The following IQCM variants were observed in gnomAD, a reference collection of about 807,000 sequenced individuals.
IQCM encodes IQ motif containing M, also known as IQ domain-containing protein M.
In IQCM, 45 loss-of-function variants were observed where a neutral mutation model predicts 57.6. The ratio of observed to expected loss-of-function variants is 0.78; its 90% CI spans 0.62 to 1.00. The LOEUF (loss-of-function observed/expected upper bound fraction) is 1.00, where lower values mean the gene tolerates loss of function less well. Among genes scored for constraint, IQCM ranks in the 50% least tolerant of loss-of-function variants. IQCM has a pLI of 0.00. For missense variants in IQCM, 468 were observed against 511.6 expected, an observed-to-expected ratio of 0.91 and a Z score of 0.82; for synonymous variants, 148 against 158.9, an observed-to-expected ratio of 0.93 and a Z score of 0.51.
At chr4:149,675,172 GAA>G (rs1761645188) in intron 7 of IQCM, among the ~76,000 whole-genome samples, 1 of 152,000 alleles carries the variant, frequency 6.6e-6, no homozygotes. Flanking sequence ...CAAAAACTAT[GAA>G]AAGATTAGTG....
Position 149,569,210 on chromosome 4 carries a change from A to T in IQCM, c.750-5320T>A, listed in dbSNP as rs144705158. ...AAATAGCTGTTGTTTTAAGCCACTAAGTTTTGTGATGCCATTGTGGCAATA... is the reference window on the plus strand; with the variant it reads ...AAATAGCTGTTGTTTTAAGCCACTATGTTTTGTGATGCCATTGTGGCAATA... On this transcript the variant is annotated intron_variant, in intron 9 of 13. Transcript: ENST00000636793. 2.2e-3 allele frequency among the ~76,000 whole-genome samples: 328 copies of T among 152,310 alleles called. 2 individuals are homozygous for T. The highest frequency in any genetic ancestry group is 7.7e-3 in the African/African-American group (321 of 41,576).
intron 2 of IQCM, among the ~76,000 whole-genome samples, chr4:149,795,835 C>T (rs1454354463): frequency 1.3e-5 from 2 of 152,200 alleles, no homozygotes; most frequent in Non-Finnish European, 2.9e-5. Context: ...CAGAAGGGAA[C>T]ACACTGCCTT....
chr4:149,396,791 T>C (rs1444807661), intron 13 of IQCM, among the ~76,000 whole-genome samples: 4 of 152,096 alleles, frequency 2.6e-5, no homozygotes, highest in East Asian at 1.9e-4. Flanking sequence ...ACATACGTAA[T>C]GTAAGTGTAA....
chr4:149,745,015 A>G (rs1767793829), intron 2 of IQCM, among the ~76,000 whole-genome samples: 1 of 152,160 alleles, frequency 6.6e-6, no homozygotes, highest in Admixed American at 6.5e-5. Context: ...AGAGAGTTCA[A>G]GAAGAACTGA....
chr4:149,544,327 A>T (rs1231155196), intron 12 of IQCM, among the ~76,000 whole-genome samples: 1 of 152,178 alleles, frequency 6.6e-6, no homozygotes, highest in South Asian at 2.1e-4. Context: ...CATCAAAGAA[A>T]ATACAATATT....
intron 13 of IQCM, among the ~76,000 whole-genome samples, chr4:149,406,211 C>T (rs1433445943): frequency 1.3e-5 from 2 of 151,894 alleles, no homozygotes; most frequent in Admixed American, 1.3e-4. Context: ...AAGTCTCTGA[C>T]CCTGTGGGAT....
chr4:149,512,140 T>G (rs919367425), intron 12 of IQCM, among the ~76,000 whole-genome samples: 2 of 152,198 alleles, frequency 1.3e-5, no homozygotes, highest in African/African-American at 4.8e-5. Context: ...CAACACTGAC[T>G]GGTCAACCCC....
intron 9 of IQCM, among the ~76,000 whole-genome samples, chr4:149,565,057 A>T (rs1750484290): frequency 6.6e-6 from 1 of 152,062 alleles, no homozygotes. Context: ...AATTTTTGGC[A>T]TATAAAAATG....
At chr4:149,368,855 T>TATATACATATATATAC (rs1560779209) in intron 13 of IQCM, among the ~76,000 whole-genome samples, 1 of 39,314 alleles carries the variant, frequency 2.5e-5, no homozygotes, top group Non-Finnish European at 5.1e-5. Flanking sequence ...TATATATACA[T>TATATACATATATATAC]GTATATATAT....
chr4:149,502,666 C>T (rs144426549), intron 12 of IQCM, among the ~76,000 whole-genome samples: 200 of 151,924 alleles, frequency 1.3e-3, no homozygotes, highest in African/African-American at 4.6e-3. Context: ...AGAATGAGAC[C>T]CTCTCTCAAA....
chr4:149,454,279 A>G (rs1321358188), intron 12 of IQCM, among the ~76,000 whole-genome samples: 1 of 151,658 alleles, frequency 6.6e-6, no homozygotes, highest in East Asian at 1.9e-4. Context: ...ATGAAATACT[A>G]CACAGCCATA....
At chr4:149,473,596 A>G (rs2149734866) in intron 12 of IQCM, among the ~76,000 whole-genome samples, 1 of 152,354 alleles carries the variant, frequency 6.6e-6, no homozygotes, top group East Asian at 1.9e-4. Flanking sequence ...AACTAGAAAT[A>G]CCATTTGACC....
At chr4:149,804,834 G>A (rs1433887307) in intron 2 of IQCM, among the ~76,000 whole-genome samples, 2 of 152,006 alleles carry the variant, frequency 1.3e-5, no homozygotes, top group Admixed American at 6.6e-5. Flanking sequence ...GATATTTAGT[G>A]TATTTCCCTC....
At chr4:149,425,847 C>A (rs906735926) in intron 13 of IQCM, among the ~76,000 whole-genome samples, 11 of 151,976 alleles carry the variant, frequency 7.2e-5, no homozygotes, top group Non-Finnish European at 1.5e-4. Flanking sequence ...AAACTCCAGT[C>A]ATAATAGATT....
At chr4:149,461,035 G>C (rs1579132932) in intron 12 of IQCM, among the ~76,000 whole-genome samples, 1 of 152,004 alleles carries the variant, frequency 6.6e-6, no homozygotes, top group East Asian at 1.9e-4. Flanking sequence ...GGGAGTTCGA[G>C]ACCAGCCTGA....
At chr4:149,812,031 GCCTCCAT>G (rs1187877702) in intron 2 of IQCM, among the ~76,000 whole-genome samples, 1 of 152,158 alleles carries the variant, frequency 6.6e-6, no homozygotes, top group East Asian at 1.9e-4. Context: ...CACATACTCA[GCCTCCAT>G]TCCTAACTAG....
At chr4:149,757,279 G>A (rs1456672574) in intron 2 of IQCM, among the ~76,000 whole-genome samples, 2 of 149,738 alleles carry the variant, frequency 1.3e-5, no homozygotes, top group Admixed American at 1.3e-4. Flanking sequence ...GGCCAAATAT[G>A]AGGAAAAAGA....
chr4:149,550,158 C>T (rs1748886286), intron 11 of IQCM, among the ~76,000 whole-genome samples: 1 of 152,200 alleles, frequency 6.6e-6, no homozygotes, highest in African/African-American at 2.4e-5. Context: ...GCCTCAACCA[C>T]TGACTCAGGG....
chr4:149,693,286 G>A (rs1026977180), intron 5 of IQCM, among the ~76,000 whole-genome samples: 2 of 151,978 alleles, frequency 1.3e-5, no homozygotes, highest in African/African-American at 4.8e-5. Flanking sequence ...GAATGATATG[G>A]TCCATGACCT....
Sources: allele counts gnomAD v4.1 joint callset (sites outside exome capture counted in the v4.1 genomes callset), GRCh38; gene constraint gnomAD v4.1.1; transcripts MANE v1.5; gene names NCBI Gene and HGNC (gene_info 2026-07-23, HGNC 2026-07-21).